The following AGPS variants were observed in gnomAD, a reference collection of about 807,000 sequenced individuals.
AGPS encodes the protein alkyldihydroxyacetonephosphate synthase, peroxisomal.
In AGPS, 26 loss-of-function variants were observed where a neutral mutation model predicts 90.7. The ratio of observed to expected loss-of-function variants is 0.29; its 90% CI spans 0.21 to 0.40. The LOEUF (loss-of-function observed/expected upper bound fraction) is 0.40, where lower values mean the gene tolerates loss of function less well. AGPS is among the 10% of genes least tolerant of loss of function. AGPS has a pLI of 1.00. For missense variants in AGPS, 540 were observed against 816.1 expected (o/e 0.66, Z 4.12); for synonymous variants, 294 against 285.3 (o/e 1.03, Z -0.31).
chr2:177,477,252 A>T (rs757027513), intron 10 of AGPS, among the ~76,000 whole-genome samples: 3 of 151,650 alleles, frequency 2.0e-5, no homozygotes, highest in Admixed American at 6.6e-5. Context: ...GCCTTAAGTG[A>T]GTATTTTCTA....
chr2:177,451,513 C>T (rs370068787), intron 8 of AGPS, among the ~76,000 whole-genome samples: 3 of 151,726 alleles, frequency 2.0e-5, no homozygotes, highest in African/African-American at 7.3e-5. Flanking sequence ...TCTTTCTTTC[C>T]AATCTGTTTG....
chr2:177,426,650 A>G (rs896512845), intron 2 of AGPS, among the ~76,000 whole-genome samples: 2 of 152,112 alleles, frequency 1.3e-5, no homozygotes, highest in African/African-American at 4.8e-5. Flanking sequence ...TGAGATAATC[A>G]TGTGGTTTTT....
intron 16 of AGPS, among the ~76,000 whole-genome samples, chr2:177,513,145 A>G (rs1688927901): frequency 6.6e-6 from 1 of 151,996 alleles, no homozygotes; most frequent in African/African-American, 2.4e-5. Flanking sequence ...CCCAGGCTGG[A>G]GTGCAGTGGC....
intron 12 of AGPS, among the ~76,000 whole-genome samples, chr2:177,497,345 A>T (rs1316824421): frequency 6.6e-6 from 1 of 151,934 alleles, no homozygotes; most frequent in Non-Finnish European, 1.5e-5. Context: ...TAATGAAATA[A>T]AAATTAATGA....
chr2:177,538,334 T>G lies in AGPS; in HGVS notation c.*139T>G, dbSNP rs2079202189. 4 of 959,542 alleles carry G rather than the reference T, an allele frequency of 4.2e-6. No individual in the cohort carries two copies. Among genetic ancestry groups the G allele is most frequent in the Non-Finnish European group, 6.2e-6 (4 of 648,468 alleles). 59.4% of individuals were successfully genotyped at this position (959,542 alleles called of 1,614,324 possible). A position where few individuals can be genotyped will look rare whatever the true frequency, so the allele number is the denominator to read the frequency against. ...GTTTAAAATAAGTTTGTTTTCATTCTGTAGTTTGTTTTGTTTCTACATCTA... is the reference window on the plus strand; with the variant it reads ...GTTTAAAATAAGTTTGTTTTCATTCGGTAGTTTGTTTTGTTTCTACATCTA... On this transcript the variant is annotated 3_prime_UTR_variant, in exon 20 of 20. Coordinates refer to ENST00000264167, the MANE Select transcript of AGPS (RefSeq NM_003659.4).
intron 1 of AGPS, among the ~76,000 whole-genome samples, chr2:177,412,265 G>C (rs1685642507): frequency 6.6e-6 from 1 of 152,154 alleles, no homozygotes. Flanking sequence ...CAGGAGGTAT[G>C]GGTCAGAAGG....
At chr2:177,492,639 C>CTT (rs1688299159) in intron 11 of AGPS, among the ~76,000 whole-genome samples, 1 of 152,076 alleles carries the variant, frequency 6.6e-6, no homozygotes, top group Admixed American at 6.5e-5. Context: ...GTGCATGTGT[C>CTT]TGTGTTTTAA....
chr2:177,460,160 TG>T (rs764683683), intron 8 of AGPS, among the ~76,000 whole-genome samples: 39 of 152,058 alleles, frequency 2.6e-4, no homozygotes, highest in Non-Finnish European at 4.6e-4. Flanking sequence ...CAGTGGGGCC[TG>T]GGGCGCGGTG....
At chr2:177,485,026 C>T (rs1453767688) in intron 11 of AGPS, among the ~76,000 whole-genome samples, 1 of 152,116 alleles carries the variant, frequency 6.6e-6, no homozygotes, top group Non-Finnish European at 1.5e-5. Context: ...TTTAGGCCTC[C>T]CAAAGTGTAG....
intron 11 of AGPS, among the ~76,000 whole-genome samples, chr2:177,489,436 A>C (rs1467042590): frequency 6.6e-6 from 1 of 151,972 alleles, no homozygotes; most frequent in Non-Finnish European, 1.5e-5. Flanking sequence ...TTGCTTTTTA[A>C]GTTAGTGCAG....
intron 16 of AGPS, among the ~76,000 whole-genome samples, chr2:177,512,018 T>G (rs1688888516): frequency 6.6e-6 from 1 of 152,214 alleles, no homozygotes; most frequent in African/African-American, 2.4e-5. Context: ...CAGCAGATGA[T>G]TGTATTCTTA....
intron 19 of AGPS, among the ~76,000 whole-genome samples, chr2:177,526,420 G>A (rs1169088579): frequency 6.6e-6 from 1 of 151,964 alleles, no homozygotes; most frequent in African/African-American, 2.4e-5. Context: ...AGTAGAGACG[G>A]GTTTTCACCA....
intron 19 of AGPS, among the ~76,000 whole-genome samples, chr2:177,525,100 C>G (rs1029449533): frequency 2.0e-5 from 3 of 151,918 alleles, no homozygotes; most frequent in African/African-American, 7.3e-5. Flanking sequence ...TGAATGCTAG[C>G]ATAACAAAAA....
chr2:177,527,389 T>C (rs2079098319), intron 19 of AGPS, among the ~76,000 whole-genome samples: 1 of 152,054 alleles, frequency 6.6e-6, no homozygotes, highest in Non-Finnish European at 1.5e-5. Context: ...GATCACATCA[T>C]TGCACTCCAG....
At position 177,503,411 on chromosome 2, in the gene AGPS, A is replaced by G. The variant is rs546517910; in HGVS notation, c.1476-2095A>G. ...AATATAATTCAACATGAGAGTGATT[A>G]GGTTCACCAGATGGCCCTTTTATAT... On this transcript the variant is annotated intron_variant, in intron 14 of 19. Coordinates refer to ENST00000264167, the MANE Select transcript of AGPS (RefSeq NM_003659.4). 2.0e-5 allele frequency among the ~76,000 whole-genome samples: 3 copies of G among 152,336 alleles called. No individual in the cohort carries two copies. The South Asian group carries it at 6.2e-4, about 32-fold the overall frequency.
chr2:177,510,926 G>GTA (rs1475191872), intron 16 of AGPS, among the ~76,000 whole-genome samples: 1 of 152,044 alleles, frequency 6.6e-6, no homozygotes, highest in Non-Finnish European at 1.5e-5. Context: ...TAGTTTTTGT[G>GTA]TATTCCTAAG....
chr2:177,469,607 A>T (rs923941873), intron 10 of AGPS, among the ~76,000 whole-genome samples: 11 of 152,290 alleles, frequency 7.2e-5, no homozygotes, highest in Non-Finnish European at 1.3e-4. Context: ...TAAGAAAAAT[A>T]ATCTTAAATT....
At chr2:177,516,002 G>GT (rs2105728531) in intron 17 of AGPS, among the ~76,000 whole-genome samples, 1 of 152,194 alleles carries the variant, frequency 6.6e-6, no homozygotes, top group South Asian at 2.1e-4. Context: ...TTTTAAACCA[G>GT]TTTTTTATCA....
At chr2:177,436,945 T>G in intron 4 of AGPS, 35 bp from the exon 5 acceptor site, 3 of 1,611,724 alleles carry the variant, frequency 1.9e-6, no homozygotes, top group Non-Finnish European at 2.5e-6. Flanking sequence ...TTTTAAGCTG[T>G]TTTTGTGTTT....
Sources: allele counts gnomAD v4.1 joint callset (sites outside exome capture counted in the v4.1 genomes callset), GRCh38; gene constraint gnomAD v4.1.1; transcripts MANE v1.5; gene names NCBI Gene and HGNC (gene_info 2026-07-23, HGNC 2026-07-21).